C17orf107: variants seen among roughly 807,000 people sequenced by gnomAD.
C17orf107 encodes uncharacterized protein C17orf107.
Under a neutral mutation model 8.9 loss-of-function variants are expected in C17orf107, and 9 were observed. The observed-to-expected ratio is 1.02, with a 90% CI of 0.61 to 1.77. The LOEUF (loss-of-function observed/expected upper bound fraction) is 1.77. C17orf107 is among the 40% of genes most tolerant of loss of function. C17orf107 has a pLI of 0.00. For synonymous variants in C17orf107, 139 were observed against 120.3 expected (o/e 1.16, Z -1.02); for missense variants, 281 against 249.0 (o/e 1.13, Z -0.86).
chr17:4,900,064 GCCTGCCCCGAAGCCCAC>G lies in C17orf107; in HGVS notation c.200_216del (p.Ala67GlyfsTer170). 1.3e-6 allele frequency: 2 copies of G among 1,551,176 alleles called. No homozygotes were observed. Among genetic ancestry groups the G allele is most frequent in the Non-Finnish European group, 1.7e-6 (2 of 1,147,002 alleles). On this transcript the variant is annotated frameshift_variant, in exon 2 of 3. Transcript: ENST00000381365. LOFTEE classifies it high-confidence loss of function. The stretch of plus-strand genomic sequence containing the variant: ...CCGAACCGAAGATGCAGGGGATGCT[GCCTGCCCCGAAGCCCAC>G]CCTGGGGCTGGTGTTGAGAGAAGCC...
At chr17:4,904,093 G>A (rs1418903220), downstream of C17orf107, among the ~76,000 whole-genome samples, 2 of 152,286 alleles carry the variant, frequency 1.3e-5, no homozygotes, top group East Asian at 1.9e-4. Flanking sequence ...TCCTGACCTC[G>A]TGAGCCACCT....
chr17:4,905,021 T>A (rs769974095), downstream of C17orf107, among the ~76,000 whole-genome samples: 3 of 152,200 alleles, frequency 2.0e-5, no homozygotes, highest in Non-Finnish European at 4.4e-5. Flanking sequence ...GCGTCAAGGC[T>A]TGGGACAAGA....
Position 4,899,918 on chromosome 17 carries a change from G to T in C17orf107, c.67-18G>T, listed in dbSNP as rs1969912357. Reference sequence around the variant, plus strand: ...GTGACCCCTGCCCTGCTACTCTACTGCTCTGCTCCTTCTCCAGGTGGCCCT... The same window carrying T: ...GTGACCCCTGCCCTGCTACTCTACTTCTCTGCTCCTTCTCCAGGTGGCCCT... On this transcript the variant is annotated intron_variant, in intron 1 of 2. Coordinates refer to ENST00000381365, the MANE Select transcript of C17orf107 (RefSeq NM_001145536.2). 6.5e-7 allele frequency: 1 copy of T among 1,549,980 alleles called. No individual in the cohort carries two copies.
chr17:4,901,232 C>A lies in C17orf107; in HGVS notation c.*699C>A, dbSNP rs762144942. On this transcript the variant is annotated 3_prime_UTR_variant, in exon 3 of 3. Transcript: ENST00000381365. Reference sequence around the variant, plus strand: ...CGGTCAGCTGGCTGTCAGAGCGGGGCGCCCGCCGAGCTGACAGCGGGCTGA... The same window carrying A: ...CGGTCAGCTGGCTGTCAGAGCGGGGAGCCCGCCGAGCTGACAGCGGGCTGA... 4 of 1,584,830 alleles carry A rather than the reference C, an allele frequency of 2.5e-6. No individual in the cohort carries two copies. Among genetic ancestry groups the A allele is most frequent in the Non-Finnish European group, 3.4e-6 (4 of 1,169,622 alleles).
Position 4,899,593 on chromosome 17 carries a change from C to G in C17orf107, c.-170C>G, listed in dbSNP as rs770576069. On this transcript the variant is annotated 5_prime_UTR_variant, in exon 1 of 3. Transcript: ENST00000381365. ...ACGAAAATAAGGAACCTGAGGAGCC[C>G]GGAAGGCATGACATCACCGTTCCTC... The G allele has an allele frequency of 6.4e-7, 1 of 1,556,114 alleles. No homozygotes were observed. Among genetic ancestry groups the G allele is most frequent in the Non-Finnish European group, 8.7e-7 (1 of 1,145,796 alleles).
rs2151097867 is a variant in C17orf107 at position 4,901,629 on chromosome 17, C to T, written c.*1096C>T. ...TTCGGCATTGTACGTCTGAGAGCTG[C>T]GGAGCCAGGGCCGGGAGCCCACCCC... On this transcript the variant is annotated 3_prime_UTR_variant, in exon 3 of 3. Coordinates refer to ENST00000381365, the MANE Select transcript of C17orf107 (RefSeq NM_001145536.2). 6.2e-7 allele frequency: 1 copy of T among 1,613,672 alleles called. No individual in the cohort carries two copies. Among genetic ancestry groups the T allele is most frequent in the Non-Finnish European group, 8.5e-7 (1 of 1,179,784 alleles).
In C17orf107 at chr17:4,902,757, C is replaced by T; in HGVS notation, c.*2224C>T. The T allele has an allele frequency of 6.2e-7, 1 of 1,614,024 alleles. No individual in the cohort carries two copies. The highest frequency in any genetic ancestry group is 8.5e-7 in the Non-Finnish European group (1 of 1,179,998). ...ACGCAGTTCCTCGTTCTTCCCCACA[C>T]CCCTGCCTGCGATGGGGTCAAGAAG... On this transcript the variant is annotated 3_prime_UTR_variant, in exon 3 of 3. Coordinates refer to ENST00000381365, the MANE Select transcript of C17orf107 (RefSeq NM_001145536.2). The surrounding 1 kb of genome is among the most constrained non-coding windows in gnomAD (Gnocchi z 4.0).
downstream of C17orf107, chr17:4,903,199 T>A: frequency 2.3e-6 from 2 of 865,946 alleles, no homozygotes; most frequent in Non-Finnish European, 3.8e-6. Flanking sequence ...TGCTCACCCC[T>A]GCTGCAGCTG....
chr17:4,901,988 G>A lies in C17orf107; in HGVS notation c.*1455G>A, dbSNP rs970593355. 7 of 1,614,050 alleles carry A rather than the reference G, an allele frequency of 4.3e-6. No homozygotes were observed. Among genetic ancestry groups the A allele is most frequent in the African/African-American group, 1.3e-5 (1 of 75,018 alleles). Reference sequence around the variant, plus strand: ...AGGGGAAGTAGGTGACCTCCACTGCGCAGACGCTGCGGTAGATGGCCGGAG... The same window carrying A: ...AGGGGAAGTAGGTGACCTCCACTGCACAGACGCTGCGGTAGATGGCCGGAG... On this transcript the variant is annotated 3_prime_UTR_variant, in exon 3 of 3. Transcript: ENST00000381365.
chr17:4,902,993 T>C (rs749072950), downstream of C17orf107: 6 of 1,613,962 alleles, frequency 3.7e-6, no homozygotes, highest in Non-Finnish European at 5.1e-6. The surrounding 1 kb of genome is among the most constrained non-coding windows in gnomAD (Gnocchi z 4.0). Context: ...GTGTGTCCAA[T>C]TGCCCCTCTA....
Position 4,902,701 on chromosome 17 carries a change from G to T in C17orf107, c.*2168G>T. The T allele has an allele frequency of 1.9e-6, 3 of 1,614,070 alleles. No homozygotes were observed. The highest frequency in any genetic ancestry group is 2.5e-6 in the Non-Finnish European group (3 of 1,180,004). ...GGCTCCCGCACTGGCCGGCTTCCTG[G>T]GTCATAGTTGTTGAAGAGATGGTGA... On this transcript the variant is annotated 3_prime_UTR_variant, in exon 3 of 3. Transcript: ENST00000381365. The surrounding 1 kb of genome is among the most constrained non-coding windows in gnomAD (Gnocchi z 4.0).
rs1567638591 is a variant in C17orf107 at position 4,901,014 on chromosome 17, G to A, written c.*481G>A. ...CCCTGCGCCGGCAGGAAGTAGGCGAGCAGCACCAGGCCCGAGATGAGCACA... is the reference window on the plus strand; with the variant it reads ...CCCTGCGCCGGCAGGAAGTAGGCGAACAGCACCAGGCCCGAGATGAGCACA... On this transcript the variant is annotated 3_prime_UTR_variant, in exon 3 of 3. Transcript: ENST00000381365. The A allele has an allele frequency of 6.2e-7, 1 of 1,614,008 alleles. No homozygotes were observed.
chr17:4,903,759 G>T (rs1226006408), downstream of C17orf107, among the ~76,000 whole-genome samples: 3 of 152,134 alleles, frequency 2.0e-5, no homozygotes, highest in South Asian at 2.1e-4. Context: ...TGTGGTCACA[G>T]ATGATAGTAC....
At position 4,900,361 on chromosome 17, in the gene C17orf107, G is replaced by A. The variant is rs762775466; in HGVS notation, c.401G>A (p.Arg134Gln). Residue 134 changes from arginine to glutamine, a missense_variant, in exon 3 of 3, where the codon CGG (arginine) becomes CAG (glutamine). By Grantham distance (43) the Arg-to-Gln change is conservative. Transcript: ENST00000381365. ...RVAQAAGQGV[R>Q]QAGAAVGASA... ...GCCCAAGCCGCAGGGCAGGGGGTTC[G>A]GCAAGCTGGGGCTGCGGTGGGCGCC... is the stretch of plus-strand genomic sequence containing the variant. 18 of 1,548,454 alleles carry A rather than the reference G, an allele frequency of 1.2e-5. No individual in the cohort carries two copies. The highest frequency in any genetic ancestry group is 9.5e-5 in the South Asian group (8 of 84,008).
At position 4,902,615 on chromosome 17, in the gene C17orf107, G is replaced by C; in HGVS notation, c.*2082G>C. 1 of 1,614,136 alleles carries C rather than the reference G, an allele frequency of 6.2e-7. No homozygotes were observed. The highest frequency in any genetic ancestry group is 1.3e-5 in the African/African-American group (1 of 75,034). On this transcript the variant is annotated 3_prime_UTR_variant, in exon 3 of 3. Transcript: ENST00000381365. This position sits in a 1 kb window ranked among gnomAD's most constrained non-coding sequence, Gnocchi z 4.0. ...TTGGCTTAAGATGAGGGTGGGGGTA[G>C]CTTACCAGTGAGATGAGATTCGTCA... is the stretch of plus-strand genomic sequence containing the variant.
Position 4,901,624 on chromosome 17 carries a change from A to G in C17orf107, c.*1091A>G. ...ACCTCTTCGGCATTGTACGTCTGAG[A>G]GCTGCGGAGCCAGGGCCGGGAGCCC... is the stretch of plus-strand genomic sequence containing the variant. On this transcript the variant is annotated 3_prime_UTR_variant, in exon 3 of 3. Transcript: ENST00000381365. 1 of 1,613,876 alleles carries G rather than the reference A, an allele frequency of 6.2e-7. No homozygotes were observed. The highest frequency in any genetic ancestry group is 8.5e-7 in the Non-Finnish European group (1 of 1,179,902).
chr17:4,902,180 G>A lies in C17orf107; in HGVS notation c.*1647G>A, dbSNP rs753937939. Reference sequence around the variant, plus strand: ...CCAAGTCCAGCCCGCACCCCAGGCCGGCTTCCCTCCAGCCTGGCGTCTGGC... The same window carrying A: ...CCAAGTCCAGCCCGCACCCCAGGCCAGCTTCCCTCCAGCCTGGCGTCTGGC... On this transcript the variant is annotated 3_prime_UTR_variant, in exon 3 of 3. Transcript: ENST00000381365. This position sits in a 1 kb window ranked among gnomAD's most constrained non-coding sequence, Gnocchi z 4.0. 53 of 1,613,878 alleles carry A rather than the reference G, an allele frequency of 3.3e-5. 2 individuals carry two copies. The South Asian group carries it at 5.6e-4, about 17-fold the overall frequency.
downstream of C17orf107, among the ~76,000 whole-genome samples, chr17:4,904,653 G>C (rs979045958): frequency 5.9e-5 from 9 of 152,162 alleles, no homozygotes; most frequent in Non-Finnish European, 1.5e-5. Flanking sequence ...CACACAAGTA[G>C]ATTGGCAATA....
At chr17:4,905,358 G>C (rs998379713), downstream of C17orf107, among the ~76,000 whole-genome samples, 1 of 151,292 alleles carries the variant, frequency 6.6e-6, no homozygotes, top group African/African-American at 2.5e-5. Context: ...AGACCAGCCT[G>C]GGCAACACAG....
Sources: allele counts gnomAD v4.1 joint callset (sites outside exome capture counted in the v4.1 genomes callset), GRCh38; gene constraint gnomAD v4.1.1; non-coding constraint Gnocchi (gnomAD v3.1); transcripts MANE v1.5; gene names NCBI Gene and HGNC (gene_info 2026-07-23, HGNC 2026-07-21).